Variants in QTMAN observed in about 807,000 individuals in gnomAD.
QTMAN encodes the protein tRNA-queuosine alpha-mannosyltransferase.
At chr2:144,260,309 C>G in the QTMAN span, among the ~76,000 whole-genome samples, 1 of 151,722 alleles carries the variant, frequency 6.6e-6, no homozygotes, top group African/African-American at 2.4e-5. Context: ...TCTTAGTTCT[C>G]CCTCTATAAA....
the QTMAN span, among the ~76,000 whole-genome samples, chr2:144,207,507 C>T: frequency 1.3e-5 from 2 of 152,194 alleles, no homozygotes; most frequent in East Asian, 3.9e-4. Flanking sequence ...CCTATCTGCT[C>T]TAACTCCATT....
At chr2:144,096,276 A>G in the QTMAN span, among the ~76,000 whole-genome samples, 3 of 152,220 alleles carry the variant, frequency 2.0e-5, 1 homozygote, top group African/African-American at 7.2e-5. Flanking sequence ...TTTTTCTTCT[A>G]TTAGCATATT....
At chr2:144,209,464 G>GT in the QTMAN span, among the ~76,000 whole-genome samples, 1 of 152,198 alleles carries the variant, frequency 6.6e-6, no homozygotes, top group African/African-American at 2.4e-5. Flanking sequence ...ACTTGTCAAT[G>GT]TATCACCCCA....
At chr2:144,154,499 A>C in the QTMAN span, among the ~76,000 whole-genome samples, 6 of 152,216 alleles carry the variant, frequency 3.9e-5, no homozygotes, top group African/African-American at 1.4e-4. Context: ...GGTTTGGAGG[A>C]GAAATAAAGA....
chr2:144,287,191 C>A, the QTMAN span, among the ~76,000 whole-genome samples: 18 of 152,342 alleles, frequency 1.2e-4, no homozygotes, highest in Non-Finnish European at 1.3e-4. Context: ...AATCCCAGCA[C>A]TTTGGGAGGC....
At chr2:143,954,506 A>G in the QTMAN span, among the ~76,000 whole-genome samples, 2 of 152,104 alleles carry the variant, frequency 1.3e-5, no homozygotes, top group African/African-American at 2.4e-5. Context: ...ATTAAAATAC[A>G]GTAAGATAGA....
At chr2:143,995,998 C>T in the QTMAN span, among the ~76,000 whole-genome samples, 1 of 152,124 alleles carries the variant, frequency 6.6e-6, no homozygotes, top group African/African-American at 2.4e-5. Flanking sequence ...ATCCTGACCA[C>T]TTATGATCAC....
the QTMAN span, among the ~76,000 whole-genome samples, chr2:144,199,173 CAGT>C: frequency 6.6e-6 from 1 of 151,882 alleles, no homozygotes; most frequent in Admixed American, 6.6e-5. Context: ...TCAGCCTCCT[CAGT>C]AGCTGGGATT....
At chr2:144,233,857 G>A in the QTMAN span, among the ~76,000 whole-genome samples, 11 of 152,122 alleles carry the variant, frequency 7.2e-5, no homozygotes, top group Admixed American at 2.0e-4. Flanking sequence ...CCATGTGAGA[G>A]ATTAACATTT....
At chr2:144,031,815 G>C in the QTMAN span, among the ~76,000 whole-genome samples, 1 of 152,080 alleles carries the variant, frequency 6.6e-6, no homozygotes, top group East Asian at 1.9e-4. Context: ...TGGAGTCAGA[G>C]GTGCGATCTT....
the QTMAN span, among the ~76,000 whole-genome samples, chr2:144,001,781 T>C: frequency 6.6e-6 from 1 of 151,534 alleles, no homozygotes; most frequent in Non-Finnish European, 1.5e-5. Flanking sequence ...AGAGTTGACT[T>C]ATATAAGATA....
the QTMAN span, among the ~76,000 whole-genome samples, chr2:144,212,617 T>G: frequency 6.6e-6 from 1 of 152,170 alleles, no homozygotes; most frequent in Non-Finnish European, 1.5e-5. Context: ...AGAATAGTAT[T>G]ATATGACATT....
the QTMAN span, among the ~76,000 whole-genome samples, chr2:143,992,173 A>C: frequency 4.6e-5 from 7 of 151,264 alleles, no homozygotes; most frequent in Non-Finnish European, 1.0e-4. Flanking sequence ...GAGACTTTTC[A>C]TTTTGTTCTG....
the QTMAN span, among the ~76,000 whole-genome samples, chr2:144,302,021 C>A: frequency 3.3e-5 from 5 of 152,114 alleles, no homozygotes; most frequent in African/African-American, 1.2e-4. Context: ...TTGTGCTAGG[C>A]AAAGCACATT....
At chr2:144,136,375 GGAAAA>G in the QTMAN span, among the ~76,000 whole-genome samples, 1 of 124,604 alleles carries the variant, frequency 8.0e-6, no homozygotes, top group Non-Finnish European at 1.6e-5. Flanking sequence ...AAAAGGAAAA[GGAAAA>G]GGAAAAGGAA....
the QTMAN span, among the ~76,000 whole-genome samples, chr2:144,214,516 T>C: frequency 6.6e-6 from 1 of 152,210 alleles, no homozygotes; most frequent in African/African-American, 2.4e-5. Context: ...CATTATTCCA[T>C]TATTTGGTTA....
chr2:144,050,780 A>G, the QTMAN span, among the ~76,000 whole-genome samples: 1 of 145,432 alleles, frequency 6.9e-6, no homozygotes, highest in Admixed American at 6.7e-5. Flanking sequence ...CCTTTCAGTC[A>G]GCACACACAC....
the QTMAN span, among the ~76,000 whole-genome samples, chr2:144,276,303 T>TTATCCCCTC: frequency 1.3e-5 from 2 of 152,120 alleles, no homozygotes; most frequent in Non-Finnish European, 2.9e-5. Flanking sequence ...CCCCTCAGCC[T>TTATCCCCTC]CCCAAAGTGC....
At chr2:144,029,914 G>A in the QTMAN span, among the ~76,000 whole-genome samples, 12 of 152,000 alleles carry the variant, frequency 7.9e-5, no homozygotes, top group African/African-American at 2.9e-4. Context: ...TAGCGTGAGT[G>A]TGAGTGTGTG....
Sources: allele counts gnomAD v4.1 joint callset (sites outside exome capture counted in the v4.1 genomes callset), GRCh38; gene constraint gnomAD v4.1.1; transcripts MANE v1.5; gene names NCBI Gene and HGNC (gene_info 2026-07-23, HGNC 2026-07-21).